SLCO6A1: variants seen among roughly 807,000 people sequenced by gnomAD.
SLCO6A1 encodes cancer/testis antigen 48.
SLCO6A1 carries 65 observed loss-of-function variants against 72.7 expected under a neutral mutation model. That is an observed-to-expected ratio of 0.89 (90% CI 0.73 to 1.10). SLCO6A1 has a LOEUF of 1.10. Among genes scored for constraint, SLCO6A1 ranks in the 50% least tolerant of loss-of-function variants. SLCO6A1 has a pLI of 0.00. For synonymous variants in SLCO6A1, 314 were observed against 298.2 expected, an observed-to-expected ratio of 1.05 and a Z score of -0.55; for missense variants, 874 against 872.6, an observed-to-expected ratio of 1.00 and a Z score of -0.02.
At chr5:102,451,882 C>T (rs773469671) in intron 6 of SLCO6A1, among the ~76,000 whole-genome samples, 1 of 152,154 alleles carries the variant, frequency 6.6e-6, no homozygotes, top group South Asian at 2.1e-4. Context: ...TCTTGGCACT[C>T]TCTAATATAG....
chr5:102,396,926 T>C (rs1164560519), intron 10 of SLCO6A1, among the ~76,000 whole-genome samples: 4 of 152,152 alleles, frequency 2.6e-5, no homozygotes, highest in African/African-American at 9.7e-5. Flanking sequence ...CATGAATGCT[T>C]CACCCTCATG....
chr5:102,446,866 T>C (rs1413988458), intron 6 of SLCO6A1, among the ~76,000 whole-genome samples: 2 of 152,182 alleles, frequency 1.3e-5, no homozygotes, highest in Non-Finnish European at 2.9e-5. Context: ...GTGATTCTTC[T>C]GCCTCAGCCT....
intron 6 of SLCO6A1, among the ~76,000 whole-genome samples, chr5:102,442,703 G>C (rs1222331541): frequency 1.3e-5 from 2 of 152,132 alleles, no homozygotes; most frequent in Admixed American, 1.3e-4. Context: ...TTATCATAAG[G>C]TTAAACATAA....
chr5:102,435,963 C>A (rs1309851087), intron 7 of SLCO6A1, among the ~76,000 whole-genome samples: 2 of 151,924 alleles, frequency 1.3e-5, no homozygotes, highest in South Asian at 2.1e-4. Flanking sequence ...CTCTTATAAC[C>A]CTGGCTGTTC....
rs776578856 is a variant in SLCO6A1 at position 102,459,676 on chromosome 5, CA to C, written c.1000del (p.Cys334AlafsTer12). 1.9e-6 allele frequency: 3 copies of C among 1,592,198 alleles called. No homozygotes were observed. Among genetic ancestry groups the C allele is most frequent in the Non-Finnish European group, 2.6e-6 (3 of 1,173,226 alleles). ...VAWCTLIPLS[C>X]FPNNMPGSTR... is the part of the protein sequence containing the mutation. Reference sequence around the variant, plus strand: ...GTCACCTGGCATATTGTTTGGAAAGCATGACAATGGTATTAATGTACACCAT... The same window carrying C: ...GTCACCTGGCATATTGTTTGGAAAGCTGACAATGGTATTAATGTACACCAT... On this transcript the variant is annotated frameshift_variant, in exon 5 of 14. Transcript: ENST00000506729. LOFTEE classifies it high-confidence loss of function.
At chr5:102,486,716 T>C (rs1192817702) in intron 1 of SLCO6A1, among the ~76,000 whole-genome samples, 1 of 152,130 alleles carries the variant, frequency 6.6e-6, no homozygotes, top group African/African-American at 2.4e-5. Flanking sequence ...TGTGTACCAA[T>C]TCCAAGCACA....
At chr5:102,424,406 TCAAA>T (rs1748777957) in intron 7 of SLCO6A1, among the ~76,000 whole-genome samples, 1 of 150,640 alleles carries the variant, frequency 6.6e-6, no homozygotes, top group Non-Finnish European at 1.5e-5. Context: ...GAGGGAAGAA[TCAAA>T]CAGACACAAT....
intron 1 of SLCO6A1, among the ~76,000 whole-genome samples, chr5:102,483,031 A>G (rs1752285556): frequency 6.6e-6 from 1 of 152,200 alleles, no homozygotes; most frequent in African/African-American, 2.4e-5. Flanking sequence ...TTCACCTCTT[A>G]TATAACCTCC....
At chr5:102,394,477 T>C (rs1311221845) in intron 10 of SLCO6A1, among the ~76,000 whole-genome samples, 3 of 152,150 alleles carry the variant, frequency 2.0e-5, no homozygotes, top group East Asian at 3.9e-4. Context: ...AGGTTACCTA[T>C]ATCATATTAC....
At position 102,418,737 on chromosome 5, in the gene SLCO6A1, G is replaced by T. The variant is rs113118353; in HGVS notation, c.1472+1089C>A. ...TCCTAGCCTTACACAGATGTTAATT[G>T]AGAACCAGGATTTACCAGGATTCCT... On this transcript the variant is annotated intron_variant, in intron 8 of 13. Coordinates refer to ENST00000506729, the MANE Select transcript of SLCO6A1 (RefSeq NM_173488.5). Among the ~76,000 whole-genome samples, 158 of 152,136 alleles carry T rather than the reference G, an allele frequency of 1.0e-3. 2 individuals are homozygous for T. Among genetic ancestry groups the T allele is most frequent in the African/African-American group, 3.5e-3 (145 of 41,528 alleles).
chr5:102,478,502 T>G (rs1752027710), intron 2 of SLCO6A1, among the ~76,000 whole-genome samples: 1 of 152,202 alleles, frequency 6.6e-6, no homozygotes, highest in Non-Finnish European at 1.5e-5. Context: ...CACTAACTTT[T>G]AGAACATATG....
Position 102,417,518 on chromosome 5 carries a change from GCTTCAAGATT to G in SLCO6A1, c.1472+2298_1472+2307del, listed in dbSNP as rs1748351788. Among the ~76,000 whole-genome samples the G allele has an allele frequency of 3.3e-5, 5 of 151,692 alleles. No individual in the cohort carries two copies. In the South Asian group the frequency reaches 1.0e-3, roughly 32 times the overall value. On this transcript the variant is annotated intron_variant, in intron 8 of 13. Coordinates refer to ENST00000506729, the MANE Select transcript of SLCO6A1 (RefSeq NM_173488.5). ...TTGTGACTCTGTTATTTTAGTGATT[GCTTCAAGATT>G]TATAGTATACATTTTTAACTTAACA...
At position 102,498,978 on chromosome 5, in the gene SLCO6A1, G is replaced by T; in HGVS notation, c.-134C>A. 1.2e-6 allele frequency: 1 copy of T among 814,772 alleles called. No homozygotes were observed. The allele number at this position is 814,772 out of a possible 1,614,324, so 50.5% of individuals were successfully genotyped here. ...GCCACAAGGGGCTCTTGCCGCCCAA[G>T]CCTCCAGAGCGAACGTTTCTCCTAG... is the stretch of plus-strand genomic sequence containing the variant. On this transcript the variant is annotated 5_prime_UTR_variant, in exon 1 of 14. Transcript: ENST00000506729.
chr5:102,378,321 C>A (rs981292796), intron 12 of SLCO6A1, among the ~76,000 whole-genome samples: 1 of 152,054 alleles, frequency 6.6e-6, no homozygotes, highest in Admixed American at 6.6e-5. Flanking sequence ...GGACAAAAAA[C>A]CAAACACTGC....
chr5:102,450,951 G>A (rs1014293928), intron 6 of SLCO6A1, among the ~76,000 whole-genome samples: 7 of 152,212 alleles, frequency 4.6e-5, no homozygotes, highest in African/African-American at 1.4e-4. Context: ...AGCAGCAAGG[G>A]CAGAGGGGCT....
Position 102,447,950 on chromosome 5 carries a change from T to G in SLCO6A1, c.1132-9189A>C, listed in dbSNP as rs548397909. 2.0e-5 allele frequency among the ~76,000 whole-genome samples: 3 copies of G among 152,328 alleles called. No homozygotes were observed. In the South Asian group the frequency reaches 6.2e-4, roughly 32 times the overall value. On this transcript the variant is annotated intron_variant, in intron 6 of 13. Coordinates refer to ENST00000506729, the MANE Select transcript of SLCO6A1 (RefSeq NM_173488.5). ...GGTTTGCTCTTGTTTTTAGTTTCCC[T>G]AGGTGTGACGTTAGATTGTTAATTT... is the stretch of plus-strand genomic sequence containing the variant.
At position 102,477,733 on chromosome 5, in the gene SLCO6A1, G is replaced by T. The variant is rs1230978461; in HGVS notation, c.745C>A (p.Leu249Ile). 1 of 1,613,556 alleles carries T rather than the reference G, an allele frequency of 6.2e-7. No individual in the cohort carries two copies. Among genetic ancestry groups the T allele is most frequent in the East Asian group, 2.2e-5 (1 of 44,830 alleles). The change falls in exon 3 of 14, where the codon CTT becomes ATT. Residue 249 changes from leucine (L) to isoleucine (I), a missense_variant. By Grantham distance (5) the Leu-to-Ile change is conservative. Transcript: ENST00000506729. Reference protein sequence around the residue: ...QGIAGMPLYILGITFIDENVA... With the variant: ...QGIAGMPLYIIGITFIDENVA... ...TTCTCATCAATAAAGGTTATTCCAA[G>T]GATATAAAGAGGCATTCCTGCTATT...
chr5:102,411,038 T>C (rs1747948542), intron 9 of SLCO6A1, among the ~76,000 whole-genome samples: 2 of 152,176 alleles, frequency 1.3e-5, no homozygotes, highest in East Asian at 3.9e-4. Flanking sequence ...AATCTCTAGG[T>C]GTGGAAAAGA....
chr5:102,471,008 C>T lies in SLCO6A1; in HGVS notation c.899+4689G>A, dbSNP rs186719874. On this transcript the variant is annotated intron_variant, in intron 4 of 13. Coordinates refer to ENST00000506729, the MANE Select transcript of SLCO6A1 (RefSeq NM_173488.5). Reference sequence around the variant, plus strand: ...CTCTGATTAGCCAAGATGTTATAGGCGGTGGAGTTAGCTTTGTTTTCTCCT... The same window carrying T: ...CTCTGATTAGCCAAGATGTTATAGGTGGTGGAGTTAGCTTTGTTTTCTCCT... 4.6e-5 allele frequency among the ~76,000 whole-genome samples: 7 copies of T among 152,066 alleles called. No homozygotes were observed. The South Asian group carries it at 1.0e-3, about 23-fold the overall frequency.
Sources: allele counts gnomAD v4.1 joint callset (sites outside exome capture counted in the v4.1 genomes callset), GRCh38; gene constraint gnomAD v4.1.1; transcripts MANE v1.5; gene names NCBI Gene and HGNC (gene_info 2026-07-23, HGNC 2026-07-21).